The following CSMD1 variants were observed in gnomAD, a reference collection of about 807,000 sequenced individuals.
CSMD1 encodes the protein CUB and sushi domain-containing protein 1.
Under a neutral mutation model 417.5 loss-of-function variants are expected in CSMD1, and 213 were observed. That is an observed-to-expected ratio of 0.51 (90% CI 0.46 to 0.57). The LOEUF (loss-of-function observed/expected upper bound fraction) is 0.57. Among genes scored for constraint, CSMD1 ranks in the 20% least tolerant of loss-of-function variants. The pLI is 0.00. For synonymous variants in CSMD1, 2,862 were observed against 1,736.8 expected (o/e 1.65, Z -16.11); for missense variants, 6,923 against 4,529.7 (o/e 1.53, Z -15.17).
chr8:4,911,951 C>A (rs1232319636), intron 1 of CSMD1, among the ~76,000 whole-genome samples: 4 of 151,200 alleles, frequency 2.6e-5, no homozygotes, highest in Non-Finnish European at 5.9e-5. Flanking sequence ...ATTTTAAGCC[C>A]CACCCAGAAA....
rs1034769243 is a variant in CSMD1 at position 4,333,850 on chromosome 8, C to T, written c.415+86103G>A. Among the ~76,000 whole-genome samples the T allele has an allele frequency of 2.0e-5, 3 of 152,064 alleles. No individual in the cohort carries two copies. The East Asian group carries it at 5.8e-4, about 29-fold the overall frequency. The stretch of plus-strand genomic sequence containing the variant: ...GCTTCTCATTAGCTTTATGGTGTTT[C>T]ATCTTTAACATGGGGATTCTAATAC... On this transcript the variant is annotated intron_variant, in intron 3 of 69. Coordinates refer to ENST00000635120, the MANE Select transcript of CSMD1 (RefSeq NM_033225.6).
At chr8:4,360,078 C>A (rs561463313) in intron 3 of CSMD1, among the ~76,000 whole-genome samples, 1 of 152,262 alleles carries the variant, frequency 6.6e-6, no homozygotes, top group African/African-American at 2.4e-5. Flanking sequence ...CCTGGGATCT[C>A]GGACAAGTTA....
At chr8:3,465,678 G>A (rs575377429) in intron 12 of CSMD1, among the ~76,000 whole-genome samples, 113 of 152,302 alleles carry the variant, frequency 7.4e-4, no homozygotes, top group African/African-American at 2.6e-3. Context: ...TGTCAAGGTT[G>A]GAGTAGGTAG....
intron 10 of CSMD1, among the ~76,000 whole-genome samples, chr8:3,508,698 G>A (rs369155926): frequency 1.5e-3 from 228 of 152,114 alleles, no homozygotes; most frequent in African/African-American, 5.1e-3. Context: ...AATTTTCTGC[G>A]AGTTTTATGT....
chr8:3,581,158 T>G (rs902705708), intron 9 of CSMD1, among the ~76,000 whole-genome samples: 2 of 152,162 alleles, frequency 1.3e-5, no homozygotes, highest in African/African-American at 4.8e-5. Flanking sequence ...ACTGATGGAA[T>G]GAAGTACCAG....
intron 5 of CSMD1, among the ~76,000 whole-genome samples, chr8:3,896,315 T>C (rs1807360936): frequency 6.6e-6 from 1 of 152,166 alleles, no homozygotes; most frequent in Non-Finnish European, 1.5e-5. Context: ...CATAAATGTA[T>C]TTCCAGATTT....
At chr8:3,312,696 T>C (rs947179671) in intron 23 of CSMD1, among the ~76,000 whole-genome samples, 4 of 152,180 alleles carry the variant, frequency 2.6e-5, no homozygotes, top group African/African-American at 9.7e-5. Flanking sequence ...TTCGTGTCAC[T>C]TGCGCCGTGA....
chr8:4,793,656 T>C (rs569980029), intron 1 of CSMD1, among the ~76,000 whole-genome samples: 2 of 152,080 alleles, frequency 1.3e-5, no homozygotes, highest in Non-Finnish European at 2.9e-5. Context: ...TCAATAGCAA[T>C]GTTGACGCCT....
At chr8:3,665,356 C>A (rs532257882) in intron 7 of CSMD1, among the ~76,000 whole-genome samples, 1 of 152,086 alleles carries the variant, frequency 6.6e-6, no homozygotes, top group East Asian at 1.9e-4. Flanking sequence ...ACGGCAACAC[C>A]CCATCTCTAC....
At chr8:4,420,345 G>C (rs894542644) in intron 2 of CSMD1, among the ~76,000 whole-genome samples, 1 of 151,800 alleles carries the variant, frequency 6.6e-6, no homozygotes, top group East Asian at 1.9e-4. Context: ...CTCGTTTTTG[G>C]ATGGCAATTA....
At chr8:4,526,949 G>T (rs1221927448) in intron 2 of CSMD1, among the ~76,000 whole-genome samples, 2 of 152,078 alleles carry the variant, frequency 1.3e-5, no homozygotes, top group African/African-American at 4.8e-5. Context: ...TTCAGGGAAT[G>T]GCTTCTAACC....
chr8:3,820,827 G>T (rs1344353017), intron 5 of CSMD1, among the ~76,000 whole-genome samples: 1 of 151,642 alleles, frequency 6.6e-6, no homozygotes, highest in Non-Finnish European at 1.5e-5. Flanking sequence ...CAGGTGATCT[G>T]CTGACCTCGA....
chr8:4,312,828 C>A (rs1035460050), intron 3 of CSMD1, among the ~76,000 whole-genome samples: 2 of 152,022 alleles, frequency 1.3e-5, no homozygotes, highest in African/African-American at 4.8e-5. Flanking sequence ...TAGCTGAGAT[C>A]GCGCCAGGCA....
chr8:4,148,367 G>C (rs1796389949), intron 3 of CSMD1, among the ~76,000 whole-genome samples: 1 of 123,590 alleles, frequency 8.1e-6, no homozygotes, highest in Non-Finnish European at 1.6e-5. Context: ...GGTGCCTGTT[G>C]TGGGGTGGGG....
At chr8:3,328,810 G>C (rs776729648) in intron 23 of CSMD1, among the ~76,000 whole-genome samples, 30 of 152,130 alleles carry the variant, frequency 2.0e-4, no homozygotes, top group Non-Finnish European at 3.7e-4. Flanking sequence ...AATTAAATTG[G>C]GGAATTAGTT....
At chr8:3,210,998 T>C (rs540184943) in intron 30 of CSMD1, among the ~76,000 whole-genome samples, 8 of 152,248 alleles carry the variant, frequency 5.3e-5, no homozygotes, top group Admixed American at 5.2e-4. Flanking sequence ...GATGCAAAAA[T>C]CATTTTCTGG....
intron 7 of CSMD1, among the ~76,000 whole-genome samples, chr8:3,632,241 C>A (rs998881652): frequency 2.0e-5 from 3 of 152,162 alleles, no homozygotes; most frequent in Non-Finnish European, 1.5e-5. Flanking sequence ...TAGGGCTGGG[C>A]TTTAACCATT....
intron 23 of CSMD1, among the ~76,000 whole-genome samples, chr8:3,326,954 A>G (rs1385964180): frequency 6.6e-6 from 1 of 152,048 alleles, no homozygotes; most frequent in East Asian, 1.9e-4. Flanking sequence ...AGGTGGGAGG[A>G]TAGCATGAGC....
At chr8:4,903,281 G>A (rs1279002915) in intron 1 of CSMD1, among the ~76,000 whole-genome samples, 2 of 152,232 alleles carry the variant, frequency 1.3e-5, no homozygotes, top group South Asian at 4.1e-4. Context: ...GTGAATTACA[G>A]CTGACCTTTC....
Sources: gnomAD v4.1 joint callset for allele counts (sites outside exome capture counted in the v4.1 genomes callset) on GRCh38, gnomAD v4.1.1 for gene constraint, MANE v1.5 for transcripts, NCBI Gene and HGNC (gene_info 2026-07-23, HGNC 2026-07-21) for gene names.